MARCHF1: variants seen among roughly 807,000 people sequenced by gnomAD.
MARCHF1 encodes E3 ubiquitin-protein ligase MARCHF1.
MARCHF1 carries 40 observed loss-of-function variants against 54.2 expected under a neutral mutation model. That is an observed-to-expected ratio of 0.74 (90% CI 0.57 to 0.96). The LOEUF (loss-of-function observed/expected upper bound fraction) is 0.96. MARCHF1 is among the 40% of genes least tolerant of loss of function. The pLI is 0.00. For synonymous variants in MARCHF1, 236 were observed against 236.3 expected, an observed-to-expected ratio of 1.00 and a Z score of 0.01; for missense variants, 586 against 656.5, an observed-to-expected ratio of 0.89 and a Z score of 1.17.
intron 1 of MARCHF1, among the ~76,000 whole-genome samples, chr4:164,295,457 C>A (rs1045975670): frequency 6.6e-6 from 1 of 151,996 alleles, no homozygotes; most frequent in African/African-American, 2.4e-5. Flanking sequence ...AACACACACA[C>A]ACACACACAC....
chr4:163,916,625 C>T (rs1751313547), intron 3 of MARCHF1, among the ~76,000 whole-genome samples: 1 of 152,078 alleles, frequency 6.6e-6, no homozygotes, highest in Non-Finnish European at 1.5e-5. Context: ...TTCCCTATGG[C>T]ATTATCAGAC....
Position 163,927,717 on chromosome 4 carries a change from A to C in MARCHF1, c.-39+60784T>G, listed in dbSNP as rs774193028. Among the ~76,000 whole-genome samples, 19 of 151,908 alleles carry C rather than the reference A, an allele frequency of 1.3e-4. 1 individual carries two copies. The highest frequency in any genetic ancestry group is 4.6e-4 in the African/African-American group (19 of 41,540). ...ACTGTCCTCAATAAAGAAAGATAGA[A>C]TGTCTATGGACTCTTGGTAAAATGT... On this transcript the variant is annotated intron_variant, in intron 3 of 9. Coordinates refer to ENST00000514618, the MANE Select transcript of MARCHF1 (RefSeq NM_001394959.1).
chr4:163,665,976 C>A (rs1410345477), intron 5 of MARCHF1, among the ~76,000 whole-genome samples: 1 of 152,136 alleles, frequency 6.6e-6, no homozygotes, highest in East Asian at 1.9e-4. Context: ...CTTCAGGCAA[C>A]CATCAATGTT....
chr4:163,824,559 C>A (rs1402782942), intron 4 of MARCHF1, among the ~76,000 whole-genome samples: 1 of 95,738 alleles, frequency 1.0e-5, no homozygotes, highest in African/African-American at 3.3e-5. Context: ...CTAGGCACTA[C>A]CATTCAGGAC....
chr4:163,724,086 G>A (rs575681257), intron 4 of MARCHF1, among the ~76,000 whole-genome samples: 4 of 152,350 alleles, frequency 2.6e-5, no homozygotes, highest in African/African-American at 7.2e-5. Flanking sequence ...TTCCTTTGGA[G>A]GGGGAGAGGT....
intron 1 of MARCHF1, among the ~76,000 whole-genome samples, chr4:164,154,376 A>C (rs538759598): frequency 1.6e-4 from 25 of 152,360 alleles, no homozygotes; most frequent in African/African-American, 4.6e-4. Context: ...TGGTTTACAG[A>C]TATGTTAAGG....
chr4:163,709,324 C>G (rs1745039271), intron 4 of MARCHF1, among the ~76,000 whole-genome samples: 1 of 152,046 alleles, frequency 6.6e-6, no homozygotes, highest in African/African-American at 2.4e-5. Flanking sequence ...ACCTGTAATC[C>G]CAGCACTTTG....
chr4:164,044,906 T>G (rs942578758), intron 2 of MARCHF1, among the ~76,000 whole-genome samples: 3 of 152,032 alleles, frequency 2.0e-5, no homozygotes, highest in Admixed American at 2.0e-4. Context: ...TGGAAGTAGA[T>G]AGGTGATGTA....
chr4:163,851,794 C>T (rs145920488), intron 4 of MARCHF1, among the ~76,000 whole-genome samples: 207 of 152,236 alleles, frequency 1.4e-3, no homozygotes, highest in African/African-American at 4.7e-3. Context: ...GGCCCATGCT[C>T]GATGTTCCAC....
intron 4 of MARCHF1, among the ~76,000 whole-genome samples, chr4:163,735,005 C>T (rs1745992328): frequency 6.6e-6 from 1 of 152,090 alleles, no homozygotes; most frequent in South Asian, 2.1e-4. Flanking sequence ...TTATTATTAA[C>T]TTCATCTAGT....
chr4:163,833,745 T>C (rs994779772), intron 4 of MARCHF1, among the ~76,000 whole-genome samples: 1 of 152,188 alleles, frequency 6.6e-6, no homozygotes, highest in African/African-American at 2.4e-5. Flanking sequence ...GTGGGGCATG[T>C]CATTTTATTT....
intron 5 of MARCHF1, among the ~76,000 whole-genome samples, chr4:163,662,461 T>C (rs1743375340): frequency 6.6e-6 from 1 of 151,938 alleles, no homozygotes; most frequent in Non-Finnish European, 1.5e-5. Context: ...CCCCCAAACT[T>C]CCAAATTATT....
chr4:163,554,845 C>A (rs1739231919), intron 8 of MARCHF1, among the ~76,000 whole-genome samples: 1 of 152,114 alleles, frequency 6.6e-6, no homozygotes, highest in African/African-American at 2.4e-5. Context: ...TTAAGAATTT[C>A]TCTACAAAAT....
At chr4:163,904,937 A>G (rs940320549) in intron 3 of MARCHF1, among the ~76,000 whole-genome samples, 1 of 152,188 alleles carries the variant, frequency 6.6e-6, no homozygotes, top group Non-Finnish European at 1.5e-5. Context: ...TAAGGAAAAC[A>G]ATAACTAAAG....
intron 1 of MARCHF1, among the ~76,000 whole-genome samples, chr4:164,238,136 G>A (rs775262654): frequency 6.6e-6 from 1 of 151,890 alleles, no homozygotes; most frequent in Admixed American, 6.6e-5. Flanking sequence ...TGTAAACACT[G>A]GTAATTTCCC....
At chr4:163,801,886 C>T (rs1025657684) in intron 4 of MARCHF1, among the ~76,000 whole-genome samples, 1 of 151,890 alleles carries the variant, frequency 6.6e-6, no homozygotes, top group Non-Finnish European at 1.5e-5. Context: ...TTGAGTATAT[C>T]GTTTATCAGT....
chr4:163,724,048 T>G (rs898869934), intron 4 of MARCHF1, among the ~76,000 whole-genome samples: 3 of 152,266 alleles, frequency 2.0e-5, no homozygotes, highest in African/African-American at 7.2e-5. Flanking sequence ...TCCATCCAGC[T>G]TTGTTCCATT....
At chr4:163,634,679 A>T (rs536691304) in intron 5 of MARCHF1, among the ~76,000 whole-genome samples, 2,149 of 152,014 alleles carry the variant, frequency 0.014, 30 homozygotes, top group Middle Eastern at 0.037. Context: ...TCAACATTAG[A>T]CAGATCAACG....
At chr4:163,969,545 A>G (rs1173637215) in intron 3 of MARCHF1, among the ~76,000 whole-genome samples, 1 of 152,196 alleles carries the variant, frequency 6.6e-6, no homozygotes, top group Non-Finnish European at 1.5e-5. Context: ...TTTAATGTAA[A>G]AGTAAAAATG....
Sources: allele counts gnomAD v4.1 joint callset (sites outside exome capture counted in the v4.1 genomes callset), GRCh38; gene constraint gnomAD v4.1.1; transcripts MANE v1.5; gene names NCBI Gene and HGNC (gene_info 2026-07-23, HGNC 2026-07-21).